STAG1: variants seen among roughly 807,000 people sequenced by gnomAD.
STAG1 encodes cohesin subunit SA-1.
STAG1 carries 26 observed loss-of-function variants against 170.9 expected under a neutral mutation model. The ratio of observed to expected loss-of-function variants is 0.15; its 90% confidence interval spans 0.11 to 0.21. STAG1 has a LOEUF of 0.21. STAG1 is among the 10% of genes least tolerant of loss of function. STAG1 has a pLI of 1.00. For synonymous variants in STAG1, 514 were observed against 497.7 expected (o/e 1.03, Z -0.44); for missense variants, 964 against 1,509.5 (o/e 0.64, Z 5.99).
intron 1 of STAG1, among the ~76,000 whole-genome samples, chr3:136,713,664 A>C (rs1943445191): frequency 6.6e-6 from 1 of 151,970 alleles, no homozygotes; most frequent in African/African-American, 2.4e-5. Context: ...GAGGCAGGAG[A>C]ATCACTTGAG....
chr3:136,446,291 C>T (rs566581392), intron 14 of STAG1, among the ~76,000 whole-genome samples: 1 of 152,226 alleles, frequency 6.6e-6, no homozygotes, highest in Non-Finnish European at 1.5e-5. Context: ...TTATACTCCT[C>T]TTTTCCTTTT....
chr3:136,464,498 A>G (rs1177309128), intron 13 of STAG1, among the ~76,000 whole-genome samples: 1 of 152,180 alleles, frequency 6.6e-6, no homozygotes, highest in Non-Finnish European at 1.5e-5. Flanking sequence ...AAGGCATTTT[A>G]AAGGTGATAC....
At chr3:136,356,201 T>C (rs549560137) in intron 28 of STAG1, among the ~76,000 whole-genome samples, 1 of 152,142 alleles carries the variant, frequency 6.6e-6, no homozygotes, top group Admixed American at 6.5e-5. Context: ...TCTGCCTGTT[T>C]ATGCTGTGCC....
chr3:136,518,541 G>A lies in STAG1; in HGVS notation c.676+2672C>T, dbSNP rs574108177. The A allele has an allele frequency of 7.1e-4, 428 of 602,244 alleles. 7 individuals are homozygous for A. The highest frequency in any genetic ancestry group is 5.7e-3 in the South Asian group (285 of 50,358). The allele number at this position is 602,244 out of a possible 1,614,324, so 37.3% of individuals were successfully genotyped here. Reference sequence around the variant, plus strand: ...AGAGGGATAATTGTTGTCCAGCCTGGAATTAAGTTCTCAGCAAGCCCTCTG... The same window carrying A: ...AGAGGGATAATTGTTGTCCAGCCTGAAATTAAGTTCTCAGCAAGCCCTCTG... On this transcript the variant is annotated intron_variant, in intron 7 of 33. Transcript: ENST00000383202.
At chr3:136,613,160 C>T (rs1454550241) in intron 3 of STAG1, among the ~76,000 whole-genome samples, 1 of 151,684 alleles carries the variant, frequency 6.6e-6, no homozygotes, top group Non-Finnish European at 1.5e-5. Flanking sequence ...AAAAAATTAG[C>T]CAGGTGTGGT....
In STAG1 at chr3:136,751,804, C is replaced by CGGGCGGGGGG. The variant is rs1187807950; in HGVS notation, c.-84+381_-84+390dup. On this transcript the variant is annotated intron_variant, in intron 1 of 33. Coordinates refer to ENST00000383202, the MANE Select transcript of STAG1 (RefSeq NM_005862.3). Reference sequence around the variant, plus strand: ...TGGGCGCGGGCGACTCCCGAGAGCCCGGGCGGGGGGGGGCGGAGGGCGGGC... The same window carrying CGGGCGGGGGG: ...TGGGCGCGGGCGACTCCCGAGAGCCCGGGCGGGGGGGGGCGGGGGGGGGCGGAGGGCGGGC... 8.0e-3 allele frequency among the ~76,000 whole-genome samples: 974 copies of CGGGCGGGGGG among 121,112 alleles called. 4 individuals are homozygous for CGGGCGGGGGG. The highest frequency in any genetic ancestry group is 0.01 in the Non-Finnish European group (584 of 57,338). The allele number at this position is 121,112 out of a possible 152,430, so 79.5% of individuals were successfully genotyped here.
intron 15 of STAG1, 99 bp from the exon 16 acceptor site, chr3:136,433,758 A>G: frequency 1.2e-6 from 1 of 807,706 alleles, no homozygotes; most frequent in Non-Finnish European, 2.0e-6. Context: ...ACATTCTATT[A>G]CTGCTTATTT....
chr3:136,576,411 C>G (rs1339171179), intron 4 of STAG1, among the ~76,000 whole-genome samples: 2 of 152,032 alleles, frequency 1.3e-5, no homozygotes, highest in African/African-American at 4.8e-5. Flanking sequence ...ACCTCGAGAC[C>G]TGAGCCATAG....
At chr3:136,507,119 T>A (rs1933807784) in intron 7 of STAG1, among the ~76,000 whole-genome samples, 1 of 152,218 alleles carries the variant, frequency 6.6e-6, no homozygotes, top group African/African-American at 2.4e-5. Context: ...ACAGATCAGC[T>A]AAAAGACTTG....
chr3:136,644,141 T>C (rs565972489), intron 1 of STAG1, among the ~76,000 whole-genome samples: 1 of 152,284 alleles, frequency 6.6e-6, no homozygotes, highest in African/African-American at 2.4e-5. Context: ...TATGAAACTG[T>C]GGTAGTTATT....
chr3:136,337,244 AAC>A lies in STAG1; in HGVS notation c.*1008_*1009del, dbSNP rs762561384. On this transcript the variant is annotated 3_prime_UTR_variant, in exon 34 of 34. Transcript: ENST00000383202. Reference sequence around the variant, plus strand: ...AAGGGTATTAAGTGCATGGGAAGTAAACACAGTTATGTTACACTTAAAATTAC... The same window carrying A: ...AAGGGTATTAAGTGCATGGGAAGTAAACAGTTATGTTACACTTAAAATTAC... The A allele has an allele frequency of 2.2e-4, 33 of 152,786 alleles. No homozygotes were observed. The highest frequency in any genetic ancestry group is 1.3e-3 in the East Asian group (7 of 5,192). The allele number at this position is 152,786 out of a possible 1,614,324, so 9.5% of individuals were successfully genotyped here. A position where few individuals can be genotyped will look rare whatever the true frequency, so the allele number is the denominator to read the frequency against.
In STAG1 at chr3:136,614,658, T is replaced by A. The variant is rs143597392; in HGVS notation, c.132+8488A>T. Among the ~76,000 whole-genome samples, 575 of 152,342 alleles carry A rather than the reference T, an allele frequency of 3.8e-3. 1 individual carries two copies. The highest frequency in any genetic ancestry group is 0.031 in the Middle Eastern group (9 of 294). ...TTTAAATGTGTATCTACATTTCTAG[T>A]AAACTGTTTTAAATACACAAATTAG... On this transcript the variant is annotated intron_variant, in intron 3 of 33. Coordinates refer to ENST00000383202, the MANE Select transcript of STAG1 (RefSeq NM_005862.3).
intron 14 of STAG1, among the ~76,000 whole-genome samples, chr3:136,447,103 A>G (rs979397380): frequency 2.7e-5 from 4 of 150,686 alleles, no homozygotes; most frequent in Non-Finnish European, 4.4e-5. Context: ...CGTGCCTGGC[A>G]TTTTTGGGAA....
chr3:136,362,648 A>G (rs958597024), intron 26 of STAG1, among the ~76,000 whole-genome samples: 3 of 151,386 alleles, frequency 2.0e-5, no homozygotes, highest in African/African-American at 7.3e-5. Flanking sequence ...AAGAAAAGAA[A>G]TTTATACGGA....
intron 1 of STAG1, among the ~76,000 whole-genome samples, chr3:136,684,371 C>A (rs943529246): frequency 2.6e-5 from 4 of 152,156 alleles, no homozygotes; most frequent in African/African-American, 9.7e-5. Context: ...CAGAAATACA[C>A]CCACACAAAT....
chr3:136,574,467 C>A (rs982469219), intron 4 of STAG1, among the ~76,000 whole-genome samples: 3 of 151,816 alleles, frequency 2.0e-5, no homozygotes, highest in African/African-American at 7.3e-5. Flanking sequence ...CACATACATA[C>A]ACACACATAT....
At chr3:136,460,325 G>C (rs1308364564) in intron 13 of STAG1, among the ~76,000 whole-genome samples, 2 of 152,118 alleles carry the variant, frequency 1.3e-5, no homozygotes, top group Admixed American at 6.5e-5. Context: ...AAAACTGCCG[G>C]GCACGGTGGC....
At chr3:136,618,806 T>C (rs1939711959) in intron 3 of STAG1, among the ~76,000 whole-genome samples, 1 of 152,092 alleles carries the variant, frequency 6.6e-6, no homozygotes, top group African/African-American at 2.4e-5. Context: ...TTTTCATAAC[T>C]GTACTGTGGT....
At chr3:136,631,018 A>T in intron 1 of STAG1, 37 bp from the exon 2 acceptor site, 6 of 999,820 alleles carry the variant, frequency 6.0e-6, no homozygotes, top group Non-Finnish European at 8.7e-6. Context: ...TTAAAATAAA[A>T]TGAGGATGAC....
Sources: gnomAD v4.1 joint callset for allele counts (sites outside exome capture counted in the v4.1 genomes callset) on GRCh38, gnomAD v4.1.1 for gene constraint, MANE v1.5 for transcripts, NCBI Gene and HGNC (gene_info 2026-07-23, HGNC 2026-07-21) for gene names.